The following PLEKHG2 variants were observed in gnomAD, a reference collection of about 807,000 sequenced individuals.
PLEKHG2 encodes pleckstrin homology domain-containing family G member 2.
In PLEKHG2, 71 loss-of-function variants were observed where a neutral mutation model predicts 104.4. The ratio of observed to expected loss-of-function variants is 0.68; its 90% confidence interval spans 0.56 to 0.83. PLEKHG2 has a LOEUF of 0.83. Ranked by LOEUF, PLEKHG2 falls within the 40% of genes least tolerant of loss-of-function variation. The pLI, the probability that PLEKHG2 is intolerant of heterozygous loss-of-function variation, is 0.00. For missense variants in PLEKHG2, 1,730 were observed against 1,809.4 expected, an observed-to-expected ratio of 0.96 and a Z score of 0.80; for synonymous variants, 728 against 737.0, an observed-to-expected ratio of 0.99 and a Z score of 0.20.
chr19:39,418,761 C>A lies in PLEKHG2; in HGVS notation c.1111C>A (p.Pro371Thr), dbSNP rs749616630. ...FCCNLSVSES[P>T]RDPLGFKVSD... The stretch of plus-strand genomic sequence containing the variant: ...CTGCAACCTGAGCGTGAGCGAGAGT[C>A]CCCGAGACCCTCTAGGGTTCAAGGT... The change falls in exon 10 of 19, where the codon CCC (proline) becomes ACC (threonine). Residue 371 changes from proline to threonine, a missense_variant. Transcript: ENST00000425673. The A allele has an allele frequency of 2.5e-6, 4 of 1,613,008 alleles. No individual in the cohort carries two copies. In the African/African-American group the frequency reaches 5.3e-5, roughly 22 times the overall value.
Position 39,416,223 on chromosome 19 carries a change from TAGG to T in PLEKHG2, c.480-122_480-120del. 1 of 900,406 alleles carries T rather than the reference TAGG, an allele frequency of 1.1e-6. No individual in the cohort carries two copies. The highest frequency in any genetic ancestry group is 1.5e-5 in the South Asian group (1 of 68,494). The allele number at this position is 900,406 out of a possible 1,614,324, so 55.8% of individuals were successfully genotyped here. A position where few individuals can be genotyped will look rare whatever the true frequency, so the allele number is the denominator to read the frequency against. ...CCTTCCTCCGGACATGACATCCCCT[TAGG>T]AGATGCTGGCAGTCAGCAAGCCCCC... On this transcript the variant is annotated intron_variant, in intron 4 of 18. Coordinates refer to ENST00000425673, the MANE Select transcript of PLEKHG2 (RefSeq NM_022835.3). The surrounding 1 kb of genome is among the most constrained non-coding windows in gnomAD (Gnocchi z 4.5).
In PLEKHG2 at chr19:39,412,937, C is replaced by T. The variant is rs1485058157; in HGVS notation, c.-498C>T. ...GTTTCAAGAACTCAGGATCCAGGAC[C>T]GCAGACTCCCTCCAGGGCTCCGATC... is the stretch of plus-strand genomic sequence containing the variant. On this transcript the variant is annotated 5_prime_UTR_variant, in exon 1 of 19. Coordinates refer to ENST00000425673, the MANE Select transcript of PLEKHG2 (RefSeq NM_022835.3). The T allele has an allele frequency of 6.6e-6, 1 of 152,182 alleles. No homozygotes were observed. Among genetic ancestry groups the T allele is most frequent in the Non-Finnish European group, 1.5e-5 (1 of 68,022 alleles). 9.4% of individuals were successfully genotyped at this position (152,182 alleles called of 1,614,324 possible).
chr19:39,423,071 G>T lies in PLEKHG2; in HGVS notation c.2017G>T (p.Ala673Ser). 1 of 1,614,138 alleles carries T rather than the reference G, an allele frequency of 6.2e-7. No homozygotes were observed. Among genetic ancestry groups the T allele is most frequent in the Non-Finnish European group, 8.5e-7 (1 of 1,180,022 alleles). The change falls in exon 18 of 19, where the codon GCC (alanine) becomes TCC (serine). Residue 673 changes from alanine (A) to serine (S), a missense_variant. Coordinates refer to ENST00000425673, the MANE Select transcript of PLEKHG2 (RefSeq NM_022835.3). ...TGTTTTTGAGATGCCCTGCCTTCCA[G>T]CCATACCTAGTGTCCCCAACACCCC... ...SDVFEMPCLP[A>S]IPSVPNTPSL...
At position 39,424,747 on chromosome 19, in the gene PLEKHG2, A is replaced by T; in HGVS notation, c.3614A>T (p.Asp1205Val). 6.2e-7 allele frequency: 1 copy of T among 1,614,182 alleles called. No individual in the cohort carries two copies. Among genetic ancestry groups the T allele is most frequent in the Non-Finnish European group, 8.5e-7 (1 of 1,180,030 alleles). The change falls in exon 19 of 19, where the codon GAT (aspartate) becomes GTT (valine). Residue 1205 changes from aspartate to valine, a missense_variant. Coordinates refer to ENST00000425673, the MANE Select transcript of PLEKHG2 (RefSeq NM_022835.3). Reference sequence around the variant, plus strand: ...TCGTTGGAGCAGAAGAGCCTCATAGATGCCCATGTTCCAGCTGCCACACCT... The same window carrying T: ...TCGTTGGAGCAGAAGAGCCTCATAGTTGCCCATGTTCCAGCTGCCACACCT... ...TPSLEQKSLI[D>V]AHVPAATPLP... is the part of the protein sequence containing the mutation.
chr19:39,423,311 C>G lies in PLEKHG2; in HGVS notation c.2257C>G (p.Gln753Glu), dbSNP rs1417043902. ...CCAGCCCCAGGATGTCACCCAACAT[C>G]AGGGATTCCCAGATGAGCTGGCATT... The part of the protein sequence containing the change: ...DFQPQDVTQH[Q>E]GFPDELAFRS... The change falls in exon 18 of 19, where the codon CAG becomes GAG. Residue 753 changes from glutamine to glutamate, a missense_variant. Transcript: ENST00000425673. The G allele has an allele frequency of 3.1e-6, 5 of 1,613,952 alleles. No homozygotes were observed. The South Asian group carries it at 4.4e-5, about 14-fold the overall frequency.
chr19:39,422,793 C>T lies in PLEKHG2; in HGVS notation c.1739C>T (p.Thr580Ile). Residue 580 changes from threonine to isoleucine, a missense_variant, in exon 18 of 19, where the codon ACC (threonine) becomes ATC (isoleucine). Transcript: ENST00000425673. ...GDSQVPGDSETLTFQALPSRD... is the reference protein window; with the variant it reads ...GDSQVPGDSEILTFQALPSRD... The stretch of plus-strand genomic sequence containing the variant: ...TCCCAGGTGCCTGGCGACAGCGAAA[C>T]CCTCACATTCCAAGCCCTGCCCAGC... The T allele has an allele frequency of 6.5e-7, 1 of 1,527,924 alleles. No homozygotes were observed. Among genetic ancestry groups the T allele is most frequent in the South Asian group, 1.3e-5 (1 of 75,946 alleles). The allele number at this position is 1,527,924 out of a possible 1,614,324, so 94.6% of individuals were successfully genotyped here.
At position 39,418,764 on chromosome 19, in the gene PLEKHG2, C is replaced by G. The variant is rs774367341; in HGVS notation, c.1114C>G (p.Arg372Gly). The G allele has an allele frequency of 3.7e-6, 6 of 1,613,048 alleles. No homozygotes were observed. In the East Asian group the frequency reaches 1.3e-4, roughly 36 times the overall value. Residue 372 changes from arginine to glycine, a missense_variant, in exon 10 of 19, where the codon CGA becomes GGA. Coordinates refer to ENST00000425673, the MANE Select transcript of PLEKHG2 (RefSeq NM_022835.3). ...CCNLSVSESPRDPLGFKVSDL... is the reference protein window; with the variant it reads ...CCNLSVSESPGDPLGFKVSDL... ...CAACCTGAGCGTGAGCGAGAGTCCCCGAGACCCTCTAGGGTTCAAGGTGTC... is the reference window on the plus strand; with the variant it reads ...CAACCTGAGCGTGAGCGAGAGTCCCGGAGACCCTCTAGGGTTCAAGGTGTC...
In PLEKHG2 at chr19:39,427,873, C is replaced by T. The variant is rs1055707369; in HGVS notation, c.*2579C>T. The T allele has an allele frequency of 3.9e-5, 6 of 152,590 alleles. No homozygotes were observed. In the East Asian group the frequency reaches 5.8e-4, roughly 15 times the overall value. 9.5% of individuals were successfully genotyped at this position (152,590 alleles called of 1,614,324 possible). A position where few individuals can be genotyped will look rare whatever the true frequency, so the allele number is the denominator to read the frequency against. ...GCTAGGAAGGTGCAGCACTGAGACT[C>T]GAATCCACACAGCTTGGCTTAAGTC... On this transcript the variant is annotated 3_prime_UTR_variant, in exon 19 of 19. Transcript: ENST00000425673.
chr19:39,420,567 A>T, intron 11 of PLEKHG2, 59 bp from the exon 12 acceptor site: 1 of 1,610,818 alleles, frequency 6.2e-7, no homozygotes, highest in South Asian at 1.1e-5. Context: ...TGCTTAAAGT[A>T]TCCTCTCTGT....
chr19:39,417,087 C>A (rs1600649850), intron 7 of PLEKHG2, 87 bp downstream of exon 7: 6 of 1,442,206 alleles, frequency 4.2e-6, no homozygotes, highest in East Asian at 2.4e-5. Flanking sequence ...ATGGACCCCC[C>A]ACGAGTTGGG....
Position 39,423,085 on chromosome 19 carries a change from C to A in PLEKHG2, c.2031C>A (p.Val677=), listed in dbSNP as rs747311208. ...CCTGCCTTCCAGCCATACCTAGTGT[C>A]CCCAACACCCCCAGTCTGTCTAGCA... ...EMPCLPAIPS[V]PNTPSLSSTP... The change falls in exon 18 of 19, where the codon GTC becomes GTA. Residue 677 remains valine, a synonymous_variant. Coordinates refer to ENST00000425673, the MANE Select transcript of PLEKHG2 (RefSeq NM_022835.3). 1 of 1,614,056 alleles carries A rather than the reference C, an allele frequency of 6.2e-7. No individual in the cohort carries two copies. Among genetic ancestry groups the A allele is most frequent in the African/African-American group, 1.3e-5 (1 of 74,912 alleles).
intron 15 of PLEKHG2, 69 bp downstream of exon 15, chr19:39,421,182 T>C: frequency 1.3e-6 from 2 of 1,486,290 alleles, no homozygotes; most frequent in South Asian, 2.3e-5. Flanking sequence ...TGGGGCGGGT[T>C]GGGGAGGGGT....
chr19:39,425,452 A>AC lies in PLEKHG2; in HGVS notation c.*158_*159insC. 1 of 1,174,010 alleles carries AC rather than the reference A, an allele frequency of 8.5e-7. No individual in the cohort carries two copies. The highest frequency in any genetic ancestry group is 1.1e-6 in the Non-Finnish European group (1 of 882,700). 72.7% of individuals were successfully genotyped at this position (1,174,010 alleles called of 1,614,324 possible). ...TCGGCGAATGGCCCTTCTTGCCTTG[A>AC]TCCACAGGGATGGGGAAGGGAGGAA... On this transcript the variant is annotated 3_prime_UTR_variant, in exon 19 of 19. Transcript: ENST00000425673.
intron 13 of PLEKHG2, 21 bp from the exon 14 acceptor site, chr19:39,420,928 C>T (rs769331072): frequency 6.2e-7 from 1 of 1,614,044 alleles, no homozygotes; most frequent in Non-Finnish European, 8.5e-7. Flanking sequence ...TCACACAGGG[C>T]TCTGGCCCTC....
chr19:39,415,857 G>A lies in PLEKHG2; in HGVS notation c.479+418G>A, dbSNP rs149365824. 9.2e-5 allele frequency among the ~76,000 whole-genome samples: 14 copies of A among 152,302 alleles called. No homozygotes were observed. The highest frequency in any genetic ancestry group is 2.2e-4 in the African/African-American group (9 of 41,552). On this transcript the variant is annotated intron_variant, in intron 4 of 18. Transcript: ENST00000425673. The surrounding 1 kb of genome is among the most constrained non-coding windows in gnomAD (Gnocchi z 4.6). ...TATGGGGCCTGAAGGCCGAGACAGC[G>A]TGAGCATGCGAGTGACCCCCTAAGC...
chr19:39,416,571 C>T lies in PLEKHG2; in HGVS notation c.567C>T (p.Tyr189=). ...FVQRSEDFDI[Y]TLYCMNYPSS... The stretch of plus-strand genomic sequence containing the variant: ...CGCAGAGCGAGGATTTTGACATCTA[C>T]ACATTGTACTGCATGAACTACCCGA... Residue 189 remains tyrosine, a synonymous_variant, in exon 6 of 19, where the codon TAC becomes TAT. Coordinates refer to ENST00000425673, the MANE Select transcript of PLEKHG2 (RefSeq NM_022835.3). The surrounding 1 kb of genome is among the most constrained non-coding windows in gnomAD (Gnocchi z 4.5). 6.2e-7 allele frequency: 1 copy of T among 1,613,980 alleles called. No individual in the cohort carries two copies. Among genetic ancestry groups the T allele is most frequent in the Non-Finnish European group, 8.5e-7 (1 of 1,179,976 alleles).
At chr19:39,414,577 G>A (rs1470539017) in intron 2 of PLEKHG2, among the ~76,000 whole-genome samples, 3 of 152,232 alleles carry the variant, frequency 2.0e-5, no homozygotes, top group Admixed American at 6.5e-5. Context: ...GAAGTTGAGT[G>A]TCACTGGCAT....
chr19:39,421,890 G>T (rs2078703616), intron 16 of PLEKHG2: 2 of 371,208 alleles, frequency 5.4e-6, no homozygotes, highest in Admixed American at 4.5e-5. Flanking sequence ...TGTGGCAGGC[G>T]CCTGTAATCC....
chr19:39,421,914 G>A (rs2078704064), intron 16 of PLEKHG2: 3 of 436,908 alleles, frequency 6.9e-6, no homozygotes, highest in South Asian at 4.9e-5. Context: ...CTACTCAGGA[G>A]GCTGAGGCAG....
Sources: allele counts gnomAD v4.1 joint callset (sites outside exome capture counted in the v4.1 genomes callset), GRCh38; gene constraint gnomAD v4.1.1; non-coding constraint Gnocchi (gnomAD v3.1); transcripts MANE v1.5; gene names NCBI Gene and HGNC (gene_info 2026-07-23, HGNC 2026-07-21).